The following FRMD4A variants were observed in gnomAD, a reference collection of about 807,000 sequenced individuals.
FRMD4A encodes the protein FERM domain containing 4A.
FRMD4A carries 29 observed loss-of-function variants against 129.1 expected under a neutral mutation model. That is an observed-to-expected ratio of 0.22 (90% CI 0.17 to 0.31). The LOEUF (loss-of-function observed/expected upper bound fraction) is 0.31, where lower values mean the gene tolerates loss of function less well. Among genes scored for constraint, FRMD4A ranks in the 10% least tolerant of loss-of-function variants. The pLI is 1.00. For missense variants in FRMD4A, 1,272 were observed against 1,375.8 expected (o/e 0.92, Z 1.19); for synonymous variants, 634 against 571.6 (o/e 1.11, Z -1.56).
At chr10:13,672,675 G>C (rs11258512) in intron 16 of FRMD4A, among the ~76,000 whole-genome samples, 2 of 151,960 alleles carry the variant, frequency 1.3e-5, no homozygotes, top group African/African-American at 4.8e-5. Context: ...GTGGGGCCTC[G>C]GCTTGGTGCC....
chr10:14,068,251 AG>A (rs1242789620), intron 2 of FRMD4A, among the ~76,000 whole-genome samples: 1 of 152,166 alleles, frequency 6.6e-6, no homozygotes, highest in African/African-American at 2.4e-5. Context: ...ATCAGTAGGT[AG>A]GAAGAGGCAC....
chr10:14,117,882 A>G (rs1473147154), intron 2 of FRMD4A, among the ~76,000 whole-genome samples: 1 of 152,156 alleles, frequency 6.6e-6, no homozygotes, highest in African/African-American at 2.4e-5. Flanking sequence ...CAACATGGGC[A>G]ATATGGGCAC....
chr10:13,683,735 C>T (rs530563246), intron 15 of FRMD4A, among the ~76,000 whole-genome samples: 23 of 150,092 alleles, frequency 1.5e-4, no homozygotes, highest in African/African-American at 2.2e-4. Context: ...CTTTTTGAGA[C>T]GGAGTCTCAC....
intron 2 of FRMD4A, among the ~76,000 whole-genome samples, chr10:14,045,494 C>A (rs956745093): frequency 6.6e-6 from 1 of 151,834 alleles, no homozygotes; most frequent in Non-Finnish European, 1.5e-5. Flanking sequence ...ACTTTAAACA[C>A]ATTTATTATA....
chr10:14,197,639 G>C (rs1043897456), intron 2 of FRMD4A, among the ~76,000 whole-genome samples: 1 of 152,212 alleles, frequency 6.6e-6, no homozygotes, highest in Non-Finnish European at 1.5e-5. Context: ...GGGATTACAG[G>C]CGTGAGCCAC....
At chr10:13,879,666 C>T (rs1486421271) in intron 2 of FRMD4A, among the ~76,000 whole-genome samples, 1 of 104,934 alleles carries the variant, frequency 9.5e-6, no homozygotes, top group African/African-American at 3.3e-5. Context: ...TTTCCTTCCT[C>T]TTCCTCCTCC....
chr10:13,707,084 C>T lies in FRMD4A; in HGVS notation c.789G>A (p.Leu263=). 1 of 1,593,800 alleles carries T rather than the reference C, an allele frequency of 6.3e-7. No individual in the cohort carries two copies. Among genetic ancestry groups the T allele is most frequent in the Non-Finnish European group, 8.6e-7 (1 of 1,161,510 alleles). The change falls in exon 13 of 25, where the codon CTG becomes CTA. Residue 263 remains leucine, a synonymous_variant. Coordinates refer to ENST00000357447, the MANE Select transcript of FRMD4A (RefSeq NM_018027.5). Reference sequence around the variant, plus strand: ...CGGAAAACTTCTTTTCTCTGAAGTACAGGTTTTCCAACTGTCTCCATTGGA... The same window carrying T: ...CGGAAAACTTCTTTTCTCTGAAGTATAGGTTTTCCAACTGTCTCCATTGGA... ...KIFQWRQLEN[L]YFREKKFSVE... is the part of the protein sequence containing the mutation.
chr10:13,999,699 G>T (rs1317008517), intron 2 of FRMD4A, among the ~76,000 whole-genome samples: 1 of 152,212 alleles, frequency 6.6e-6, no homozygotes, highest in African/African-American at 2.4e-5. Context: ...TCCCCACAAG[G>T]GTTGTGATTG....
At chr10:13,683,688 G>C (rs2399988) in intron 15 of FRMD4A, among the ~76,000 whole-genome samples, 74,486 of 151,338 alleles carry the variant, frequency 0.49, 19,307 homozygotes, top group Non-Finnish European at 0.58. Flanking sequence ...GGTAATTAAC[G>C]TGAATTGTAG....
At chr10:13,659,865 C>CA (rs374125983) in intron 20 of FRMD4A, among the ~76,000 whole-genome samples, 2 of 58,888 alleles carry the variant, frequency 3.4e-5, no homozygotes, top group East Asian at 6.9e-4. Flanking sequence ...TGCCTTCCCC[C>CA]CCAAAAAAAA....
chr10:14,299,253 C>T (rs1846107871), intron 2 of FRMD4A, among the ~76,000 whole-genome samples: 1 of 152,162 alleles, frequency 6.6e-6, no homozygotes, highest in Non-Finnish European at 1.5e-5. Flanking sequence ...TTGCTTTGTT[C>T]CAGGTGCATT....
intron 2 of FRMD4A, among the ~76,000 whole-genome samples, chr10:14,164,382 G>A (rs534975301): frequency 6.6e-6 from 1 of 152,300 alleles, no homozygotes; most frequent in African/African-American, 2.4e-5. Flanking sequence ...CATGTAGCTG[G>A]CAATGAGCCC....
chr10:14,129,371 CATATATATAT>C lies in FRMD4A; in HGVS notation c.45+200677_45+200686del, dbSNP rs3033977. On this transcript the variant is annotated intron_variant, in intron 2 of 24. Coordinates refer to ENST00000357447, the MANE Select transcript of FRMD4A (RefSeq NM_018027.5). ...AATTTAAAACAACACAATTATGATT[CATATATATAT>C]ATATATATATATATATATATATATA... is the stretch of plus-strand genomic sequence containing the variant. 1.1e-3 allele frequency among the ~76,000 whole-genome samples: 51 copies of C among 46,218 alleles called. No individual in the cohort carries two copies. In the South Asian group the frequency reaches 0.015, roughly 13 times the overall value. 30.3% of individuals were successfully genotyped at this position (46,218 alleles called of 152,430 possible). A position where few individuals can be genotyped will look rare whatever the true frequency, so the allele number is the denominator to read the frequency against.
At chr10:14,076,436 C>T (rs980635654) in intron 2 of FRMD4A, among the ~76,000 whole-genome samples, 3 of 152,104 alleles carry the variant, frequency 2.0e-5, no homozygotes, top group South Asian at 2.1e-4. Context: ...GTCAGGAGAT[C>T]GAGACCATCC....
chr10:14,192,374 T>C (rs985687979), intron 2 of FRMD4A, among the ~76,000 whole-genome samples: 1 of 152,220 alleles, frequency 6.6e-6, no homozygotes, highest in African/African-American at 2.4e-5. Flanking sequence ...GAGTAACAGC[T>C]CTTATAACCT....
chr10:14,104,433 C>T (rs11258865), intron 2 of FRMD4A, among the ~76,000 whole-genome samples: 16,428 of 152,252 alleles, frequency 0.11, 2,934 homozygotes, highest in African/African-American at 0.37. Context: ...TATAATTGCT[C>T]AAGTCTAGAA....
intron 2 of FRMD4A, among the ~76,000 whole-genome samples, chr10:14,305,813 C>T (rs11595554): frequency 6.6e-5 from 10 of 152,204 alleles, no homozygotes; most frequent in African/African-American, 2.2e-4. Flanking sequence ...AGAAAGAGAT[C>T]GTATCCTTTG....
chr10:13,994,600 A>G (rs2095615976), intron 2 of FRMD4A, among the ~76,000 whole-genome samples: 1 of 152,206 alleles, frequency 6.6e-6, no homozygotes, highest in South Asian at 2.1e-4. Flanking sequence ...ACTTGTAGAA[A>G]TTGAAAACTG....
At chr10:14,093,705 A>ATTCCATAATACATCT (rs61417950) in intron 2 of FRMD4A, among the ~76,000 whole-genome samples, 1 of 152,068 alleles carries the variant, frequency 6.6e-6, no homozygotes, top group African/African-American at 2.4e-5. Flanking sequence ...CTAAGAGCAG[A>ATTCCATAATACATCT]TGGCATTTCA....
Sources: gnomAD v4.1 joint callset for allele counts (sites outside exome capture counted in the v4.1 genomes callset) on GRCh38, gnomAD v4.1.1 for gene constraint, MANE v1.5 for transcripts, NCBI Gene and HGNC (gene_info 2026-07-23, HGNC 2026-07-21) for gene names.